ADAM2: variants seen among roughly 807,000 people sequenced by gnomAD.
ADAM2 encodes the protein ADAM metallopeptidase domain 2.
A neutral mutation model predicts 99.3 loss-of-function variants in ADAM2; 101 were observed. The ratio of observed to expected loss-of-function variants is 1.02; its 90% confidence interval spans 0.87 to 1.20. The LOEUF is 1.20. Among genes scored for constraint, ADAM2 ranks in the 50% most tolerant of loss-of-function variants. The pLI, the probability that ADAM2 is intolerant of heterozygous loss-of-function variation, is 0.00. For synonymous variants in ADAM2, 323 were observed against 287.6 expected, an observed-to-expected ratio of 1.12 and a Z score of -1.25; for missense variants, 948 against 878.7, an observed-to-expected ratio of 1.08 and a Z score of -1.00.
chr8:39,752,697 G>C (rs1400423735), intron 16 of ADAM2, among the ~76,000 whole-genome samples: 1 of 152,208 alleles, frequency 6.6e-6, no homozygotes, highest in Non-Finnish European at 1.5e-5. Context: ...TCATGGGAGA[G>C]ACCTGGTGGG....
Position 39,749,710 on chromosome 8 carries a change from T to G in ADAM2, c.1832A>C (p.Tyr611Ser), listed in dbSNP as rs1175086008. Residue 611 changes from tyrosine to serine, a missense_variant, in exon 17 of 21, where the codon TAC becomes TCC. Physicochemically the swap from Tyr to Ser is moderately radical, Grantham distance 144. Coordinates refer to ENST00000265708, the MANE Select transcript of ADAM2 (RefSeq NM_001464.5). Reference protein sequence around the residue: ...CRNQRCVSSSYLGYDCTTDKC... With the variant: ...CRNQRCVSSSSLGYDCTTDKC... ...GTCAGTAGTACAATCATAACCCAAGTATGAAGAACTCACACATCTTTGATT... is the reference window on the plus strand; with the variant it reads ...GTCAGTAGTACAATCATAACCCAAGGATGAAGAACTCACACATCTTTGATT... The G allele has an allele frequency of 1.2e-6, 2 of 1,612,366 alleles. No homozygotes were observed. The highest frequency in any genetic ancestry group is 2.2e-5 in the East Asian group (1 of 44,842).
intron 3 of ADAM2, among the ~76,000 whole-genome samples, chr8:39,830,985 G>T (rs1805593472): frequency 6.6e-6 from 1 of 152,084 alleles, no homozygotes; most frequent in African/African-American, 2.4e-5. Context: ...CTGTATGAGG[G>T]CACAGCATGA....
Position 39,795,081 on chromosome 8 carries a change from C to T in ADAM2, c.571-6341G>A, listed in dbSNP as rs371072812. On this transcript the variant is annotated intron_variant, in intron 7 of 20. Transcript: ENST00000265708. ...CCCTAAATATCTTTGGTAATTTACA[C>T]TTTTAAAGTTTTGCTAAGTTAAGTT... Among the ~76,000 whole-genome samples, 241 of 152,188 alleles carry T rather than the reference C, an allele frequency of 1.6e-3. 1 individual carries two copies. Among genetic ancestry groups the T allele is most frequent in the Non-Finnish European group, 2.4e-3 (164 of 67,996 alleles).
chr8:39,824,669 T>C, intron 4 of ADAM2, 150 bp downstream of exon 4: 1 of 616,184 alleles, frequency 1.6e-6, no homozygotes, highest in Non-Finnish European at 2.9e-6. Context: ...GCTAACTCAG[T>C]ACATCAGTAT....
chr8:39,789,340 C>A (rs1280311402), intron 7 of ADAM2, among the ~76,000 whole-genome samples: 1 of 151,610 alleles, frequency 6.6e-6, no homozygotes, highest in African/African-American at 2.4e-5. Flanking sequence ...AAAATATCAA[C>A]AGAGATATTG....
At position 39,754,172 on chromosome 8, in the gene ADAM2, A is replaced by G. The variant is rs1166161790; in HGVS notation, c.1797+1556T>C. On this transcript the variant is annotated intron_variant, in intron 16 of 20. Coordinates refer to ENST00000265708, the MANE Select transcript of ADAM2 (RefSeq NM_001464.5). The stretch of plus-strand genomic sequence containing the variant: ...TGATGGGACATCACTTTTGTCATGA[A>G]CACTGTGGCAGGGTACTGCCTGTCA... Among the ~76,000 whole-genome samples the G allele has an allele frequency of 3.4e-4, 52 of 152,202 alleles. 1 individual carries two copies. Among genetic ancestry groups the G allele is most frequent in the Non-Finnish European group, 2.9e-5 (2 of 68,046 alleles).
chr8:39,814,229 C>T (rs1804834800), intron 6 of ADAM2, among the ~76,000 whole-genome samples: 1 of 152,004 alleles, frequency 6.6e-6, no homozygotes, highest in African/African-American at 2.4e-5. Context: ...CATTGTGGCT[C>T]ACACCTGTAA....
At chr8:39,811,441 T>A (rs1268305060) in intron 6 of ADAM2, among the ~76,000 whole-genome samples, 1 of 152,182 alleles carries the variant, frequency 6.6e-6, no homozygotes, top group African/African-American at 2.4e-5. Context: ...GCCAGCATCA[T>A]CCTGATACCA....
intron 7 of ADAM2, among the ~76,000 whole-genome samples, chr8:39,803,046 G>C (rs754121677): frequency 6.6e-6 from 1 of 152,070 alleles, no homozygotes; most frequent in Non-Finnish European, 1.5e-5. Context: ...CCACACAACA[G>C]TTGATCTAAT....
chr8:39,821,729 TA>T, intron 4 of ADAM2, 67 bp from the exon 5 acceptor site: 1 of 1,105,884 alleles, frequency 9.0e-7, no homozygotes, highest in South Asian at 1.3e-5. Flanking sequence ...TTCAAATATG[TA>T]AAACATATAT....
At chr8:39,837,995 C>A in intron 1 of ADAM2, 136 bp downstream of exon 1, 2 of 924,790 alleles carry the variant, frequency 2.2e-6, no homozygotes, top group Admixed American at 2.2e-5. Context: ...GCGGCAATGT[C>A]GGGGATGAGC....
chr8:39,780,370 G>A (rs989799504), intron 10 of ADAM2, among the ~76,000 whole-genome samples: 31 of 152,064 alleles, frequency 2.0e-4, no homozygotes, highest in Non-Finnish European at 3.8e-4. Flanking sequence ...GAGAAGCTAG[G>A]AGTATATTAA....
chr8:39,760,076 A>T (rs1482673445), intron 15 of ADAM2, among the ~76,000 whole-genome samples: 1 of 152,096 alleles, frequency 6.6e-6, no homozygotes, highest in Non-Finnish European at 1.5e-5. Flanking sequence ...CAGGTTGGCC[A>T]GGCTGGTCTC....
Position 39,788,683 on chromosome 8 carries a change from C to T in ADAM2, c.628G>A (p.Gly210Arg), listed in dbSNP as rs950322277. 1 of 1,580,606 alleles carries T rather than the reference C, an allele frequency of 6.3e-7. No individual in the cohort carries two copies. Among genetic ancestry groups the T allele is most frequent in the East Asian group, 2.3e-5 (1 of 43,042 alleles). Residue 210 changes from glycine (G) to arginine (R), a missense_variant, in exon 8 of 21, where the codon GGA (glycine) becomes AGA (arginine). By Grantham distance (125) the Gly-to-Arg change is moderately radical (BLOSUM62 -2). Transcript: ENST00000265708. ...VVAQKVFQLIGLTNAIFVSFN... is the reference protein window; with the variant it reads ...VVAQKVFQLIRLTNAIFVSFN... Reference sequence around the variant, plus strand: ...CAAAGACTTACAGCATTCGTCAATCCAATCAACTGGAAAACTTTTTGAGCG... The same window carrying T: ...CAAAGACTTACAGCATTCGTCAATCTAATCAACTGGAAAACTTTTTGAGCG...
intron 6 of ADAM2, among the ~76,000 whole-genome samples, chr8:39,814,274 G>C (rs1043036919): frequency 1.3e-5 from 2 of 151,692 alleles, no homozygotes; most frequent in South Asian, 4.2e-4. Context: ...CAGGAGAATC[G>C]CTTGAAACTG....
chr8:39,806,286 A>T (rs1009939175), intron 7 of ADAM2, among the ~76,000 whole-genome samples: 1 of 152,040 alleles, frequency 6.6e-6, no homozygotes, highest in Non-Finnish European at 1.5e-5. Flanking sequence ...CAAAGACATC[A>T]GTGATGACAC....
intron 14 of ADAM2, among the ~76,000 whole-genome samples, chr8:39,765,848 G>C (rs1044197187): frequency 2.0e-5 from 3 of 152,248 alleles, no homozygotes; most frequent in Middle Eastern, 6.8e-3. Flanking sequence ...ACAGAAATTA[G>C]AGTTAGACTT....
intron 17 of ADAM2, 81 bp downstream of exon 17, chr8:39,749,586 C>CATGG: frequency 8.2e-7 from 1 of 1,214,500 alleles, no homozygotes; most frequent in Admixed American, 1.9e-5. Context: ...TGTGTGTGTG[C>CATGG]GTGTGTGTGT....
chr8:39,799,927 G>A (rs556855713), intron 7 of ADAM2, among the ~76,000 whole-genome samples: 17 of 152,204 alleles, frequency 1.1e-4, no homozygotes, highest in African/African-American at 2.2e-4. Flanking sequence ...GTCTTTGCAC[G>A]TAAGATGGGT....
Sources: allele counts gnomAD v4.1 joint callset (sites outside exome capture counted in the v4.1 genomes callset), GRCh38; gene constraint gnomAD v4.1.1; transcripts MANE v1.5; gene names NCBI Gene and HGNC (gene_info 2026-07-23, HGNC 2026-07-21).